The following LRBA variants were observed in gnomAD, a reference collection of about 807,000 sequenced individuals.
LRBA encodes the protein lipopolysaccharide-responsive and beige-like anchor protein.
LRBA carries 176 observed loss-of-function variants against 330.0 expected under a neutral mutation model. The observed-to-expected ratio is 0.53, with a 90% confidence interval of 0.47 to 0.60. The LOEUF (loss-of-function observed/expected upper bound fraction) is 0.60, where lower values mean the gene tolerates loss of function less well. Among genes scored for constraint, LRBA ranks in the 20% least tolerant of loss-of-function variants. LRBA has a pLI of 0.00. For missense variants in LRBA, 3,259 were observed against 3,444.8 expected (o/e 0.95, Z 1.35); for synonymous variants, 1,230 against 1,193.0 (o/e 1.03, Z -0.64).
At chr4:150,933,214 C>A (rs1391228440) in intron 2 of LRBA, among the ~76,000 whole-genome samples, 1 of 151,430 alleles carries the variant, frequency 6.6e-6, no homozygotes, top group African/African-American at 2.4e-5. Flanking sequence ...ATGGTGAAAC[C>A]CCGTCTCTAC....
chr4:150,373,172 T>TGTGTGTGAGAGA (rs1283762385), intron 47 of LRBA, among the ~76,000 whole-genome samples: 1 of 97,506 alleles, frequency 1.0e-5, no homozygotes, highest in African/African-American at 4.4e-5. Context: ...TGTGTGTGTG[T>TGTGTGTGAGAGA]GAGAGAGAGA....
intron 50 of LRBA, among the ~76,000 whole-genome samples, chr4:150,316,919 C>T (rs1006624491): frequency 9.2e-5 from 14 of 152,064 alleles, no homozygotes; most frequent in African/African-American, 3.4e-4. Context: ...ATGAAGATTC[C>T]TGGAAAAAGG....
At chr4:150,682,038 C>G (rs1020774904) in intron 37 of LRBA, among the ~76,000 whole-genome samples, 1 of 152,068 alleles carries the variant, frequency 6.6e-6, no homozygotes, top group Admixed American at 6.6e-5. Flanking sequence ...CAAAATAACC[C>G]ATGAAACGCT....
chr4:150,336,278 C>T (rs1382028425), intron 48 of LRBA, among the ~76,000 whole-genome samples: 1 of 152,090 alleles, frequency 6.6e-6, no homozygotes, highest in Admixed American at 6.6e-5. Context: ...AATCTATAGA[C>T]CTTGCTATAA....
chr4:150,800,025 G>A (rs868187721), intron 33 of LRBA, among the ~76,000 whole-genome samples: 5 of 152,148 alleles, frequency 3.3e-5, no homozygotes, highest in Non-Finnish European at 7.4e-5. Flanking sequence ...GATTACAGGC[G>A]TGAGCCACCA....
rs1561074281 is a variant in LRBA at position 150,970,562 on chromosome 4, C to CGT, written c.217-41498_217-41497insAC. Reference sequence around the variant, plus strand: ...GTGTGTGTGTGTGTGTGTGTACACACACACACACACACACACACACACACA... The same window carrying CGT: ...GTGTGTGTGTGTGTGTGTGTACACACGTACACACACACACACACACACACACA... On this transcript the variant is annotated intron_variant, in intron 2 of 56. Transcript: ENST00000651943. 4.8e-3 allele frequency: 526 copies of CGT among 109,450 alleles called. 3 individuals are homozygous for CGT. The highest frequency in any genetic ancestry group is 0.023 in the Middle Eastern group (5 of 220). The allele number at this position is 109,450 out of a possible 1,614,324, so 6.8% of individuals were successfully genotyped here. A position where few individuals can be genotyped will look rare whatever the true frequency, so the allele number is the denominator to read the frequency against.
intron 20 of LRBA, among the ~76,000 whole-genome samples, chr4:150,868,711 G>A (rs1247528436): frequency 1.3e-5 from 2 of 152,164 alleles, no homozygotes; most frequent in African/African-American, 4.8e-5. Flanking sequence ...GCTGAGGTGG[G>A]TGGATCACTT....
At chr4:150,447,622 A>G (rs1171146119) in intron 44 of LRBA, among the ~76,000 whole-genome samples, 5 of 152,194 alleles carry the variant, frequency 3.3e-5, no homozygotes, top group Admixed American at 3.3e-4. Context: ...CCGATTTCTC[A>G]TAATAAATCT....
chr4:150,634,134 C>T (rs924439349), intron 37 of LRBA, among the ~76,000 whole-genome samples: 8 of 152,036 alleles, frequency 5.3e-5, no homozygotes, highest in African/African-American at 1.9e-4. Flanking sequence ...GTTTTCCCGT[C>T]TTCATCTAGC....
intron 40 of LRBA, among the ~76,000 whole-genome samples, chr4:150,533,104 A>G (rs1358119907): frequency 2.6e-5 from 4 of 152,216 alleles, no homozygotes; most frequent in Admixed American, 6.5e-5. Flanking sequence ...CTGAATCTAG[A>G]TAACAATGTT....
chr4:150,865,849 G>A (rs1219088219), intron 22 of LRBA, among the ~76,000 whole-genome samples: 1 of 151,884 alleles, frequency 6.6e-6, no homozygotes, highest in Admixed American at 6.6e-5. Context: ...CCAAGTAGCT[G>A]GGATTACAGG....
At position 150,487,743 on chromosome 4, in the gene LRBA, C is replaced by T; in HGVS notation, c.6540G>A (p.Leu2180=). The change falls in exon 42 of 57, where the codon TTG becomes TTA. Residue 2180 remains leucine (L), a synonymous_variant. Coordinates refer to ENST00000651943, the MANE Select transcript of LRBA (RefSeq NM_001364905.1). ...ATATAAAACAGTACCTGGTTTGAGGCAATCCAAAACTTGTTCCAACGCCAA... is the reference window on the plus strand; with the variant it reads ...ATATAAAACAGTACCTGGTTTGAGGTAATCCAAAACTTGTTCCAACGCCAA... ...PRVGVGTSFG[L]PQTRRISLAS... 6.3e-7 allele frequency: 1 copy of T among 1,593,294 alleles called. No individual in the cohort carries two copies. The highest frequency in any genetic ancestry group is 2.2e-5 in the East Asian group (1 of 44,530).
chr4:150,479,262 T>C (rs75734999), intron 42 of LRBA, among the ~76,000 whole-genome samples: 1,844 of 152,020 alleles, frequency 0.012, 44 homozygotes, highest in African/African-American at 0.042. Flanking sequence ...CTGGGTGACA[T>C]AGCAAGACCC....
chr4:150,525,164 T>C (rs1398062286), intron 40 of LRBA, among the ~76,000 whole-genome samples: 1 of 152,114 alleles, frequency 6.6e-6, no homozygotes, highest in Non-Finnish European at 1.5e-5. Flanking sequence ...ATATGAAGTA[T>C]TATCAGCTAT....
chr4:150,741,226 C>A (rs954018633), intron 35 of LRBA, among the ~76,000 whole-genome samples: 2 of 151,902 alleles, frequency 1.3e-5, no homozygotes, highest in South Asian at 4.2e-4. Context: ...GAATTAAAAG[C>A]CAAACTTCAG....
intron 37 of LRBA, among the ~76,000 whole-genome samples, chr4:150,613,734 C>T (rs927731808): frequency 6.6e-6 from 1 of 152,200 alleles, no homozygotes; most frequent in Non-Finnish European, 1.5e-5. Context: ...GCATCTCTGG[C>T]GGGAGTTGCA....
chr4:150,721,088 T>C (rs1728868410), intron 36 of LRBA: 1 of 583,062 alleles, frequency 1.7e-6, no homozygotes, highest in Non-Finnish European at 3.4e-6. Context: ...ATTTGGATCA[T>C]ACAGCAGATG....
At chr4:150,904,216 T>C (rs1731064455) in intron 13 of LRBA, among the ~76,000 whole-genome samples, 1 of 152,212 alleles carries the variant, frequency 6.6e-6, no homozygotes, top group Non-Finnish European at 1.5e-5. Flanking sequence ...AAATGTTTCT[T>C]CCAAGACCCT....
intron 40 of LRBA, among the ~76,000 whole-genome samples, chr4:150,499,914 A>C (rs562971429): frequency 7.2e-5 from 11 of 152,206 alleles, no homozygotes; most frequent in Non-Finnish European, 1.5e-4. Context: ...AAAAAGTAAA[A>C]CAGAGGATAC....
Sources: allele counts gnomAD v4.1 joint callset (sites outside exome capture counted in the v4.1 genomes callset), GRCh38; gene constraint gnomAD v4.1.1; transcripts MANE v1.5; gene names NCBI Gene and HGNC (gene_info 2026-07-23, HGNC 2026-07-21).